The following GRM7 variants were observed in gnomAD, a reference collection of about 807,000 sequenced individuals.
GRM7 encodes the protein metabotropic glutamate receptor 7.
A neutral mutation model predicts 84.5 loss-of-function variants in GRM7; 35 were observed. That is an observed-to-expected ratio of 0.41 (90% CI 0.32 to 0.55). The LOEUF is 0.55. GRM7 is among the 20% of genes least tolerant of loss of function. The pLI is 0.19. For missense variants in GRM7, 1,003 were observed against 1,194.6 expected (o/e 0.84, Z 2.36); for synonymous variants, 487 against 455.1 (o/e 1.07, Z -0.89).
chr3:7,637,757 G>C (rs548276759), intron 8 of GRM7, among the ~76,000 whole-genome samples: 18 of 152,324 alleles, frequency 1.2e-4, no homozygotes, highest in African/African-American at 3.6e-4. Context: ...ATGTGAACTT[G>C]ATGCAAGAAT....
intron 1 of GRM7, among the ~76,000 whole-genome samples, chr3:6,969,581 G>T (rs891504702): frequency 6.6e-6 from 1 of 152,176 alleles, no homozygotes; most frequent in African/African-American, 2.4e-5. Context: ...TGTGTTTCGT[G>T]ACCTAGCACA....
intron 1 of GRM7, among the ~76,000 whole-genome samples, chr3:6,980,720 A>C (rs2124831184): frequency 6.6e-6 from 1 of 152,342 alleles, no homozygotes; most frequent in Admixed American, 6.5e-5. Flanking sequence ...AGTTCTTACT[A>C]GAGTGAAATT....
intron 1 of GRM7, among the ~76,000 whole-genome samples, chr3:6,988,853 G>C (rs1361678157): frequency 6.6e-6 from 1 of 152,140 alleles, no homozygotes; most frequent in East Asian, 1.9e-4. Flanking sequence ...ACCAAAGGTA[G>C]GGTTATTTGT....
At chr3:7,646,484 G>T (rs1403651125) in intron 8 of GRM7, among the ~76,000 whole-genome samples, 1 of 152,090 alleles carries the variant, frequency 6.6e-6, no homozygotes, top group Admixed American at 6.5e-5. Flanking sequence ...GAGCCGCCAT[G>T]CCCCGCTGAC....
chr3:7,656,630 G>A (rs1699213470), intron 8 of GRM7, among the ~76,000 whole-genome samples: 1 of 151,542 alleles, frequency 6.6e-6, no homozygotes, highest in Non-Finnish European at 1.5e-5. Context: ...TGTCCCCAGG[G>A]GTAGGGAGGT....
chr3:7,566,493 T>C (rs1694276633), intron 7 of GRM7, among the ~76,000 whole-genome samples: 1 of 152,344 alleles, frequency 6.6e-6, no homozygotes, highest in African/African-American at 2.4e-5. Context: ...ATTTGATAAT[T>C]GGAATAAAAA....
intron 1 of GRM7, among the ~76,000 whole-genome samples, chr3:7,113,769 G>A (rs1218750761): frequency 6.6e-6 from 1 of 152,094 alleles, no homozygotes; most frequent in African/African-American, 2.4e-5. Context: ...CCCAACTCAT[G>A]AGCCATCACC....
At chr3:7,564,397 C>T (rs557051266) in intron 7 of GRM7, among the ~76,000 whole-genome samples, 10 of 152,192 alleles carry the variant, frequency 6.6e-5, no homozygotes, top group African/African-American at 1.4e-4. Flanking sequence ...GATTTGAACC[C>T]GTGATCATCT....
At chr3:7,199,783 T>C (rs1321268384) in intron 2 of GRM7, among the ~76,000 whole-genome samples, 1 of 152,172 alleles carries the variant, frequency 6.6e-6, no homozygotes, top group African/African-American at 2.4e-5. Context: ...TGGTACCCAA[T>C]AATTTTTCTC....
At chr3:7,536,868 C>A (rs1284838877) in intron 7 of GRM7, among the ~76,000 whole-genome samples, 2 of 152,176 alleles carry the variant, frequency 1.3e-5, no homozygotes. Context: ...CCAGATTTCT[C>A]ACCCTCATAA....
chr3:7,670,556 G>A (rs749167659), intron 8 of GRM7, among the ~76,000 whole-genome samples: 2 of 152,140 alleles, frequency 1.3e-5, no homozygotes, highest in Non-Finnish European at 2.9e-5. Flanking sequence ...AAATGCTTAG[G>A]ACATTTGCTT....
intron 1 of GRM7, among the ~76,000 whole-genome samples, chr3:6,898,396 C>T (rs1318743412): frequency 1.0e-4 from 5 of 48,164 alleles, no homozygotes; most frequent in Non-Finnish European, 1.5e-4. Flanking sequence ...AGCAATGGCA[C>T]AAAGACAAAA....
intron 7 of GRM7, among the ~76,000 whole-genome samples, chr3:7,496,812 T>C (rs1419642448): frequency 1.3e-5 from 2 of 151,890 alleles, no homozygotes; most frequent in Admixed American, 6.6e-5. Context: ...TATGTGTGTG[T>C]GATTATACCC....
intron 1 of GRM7, among the ~76,000 whole-genome samples, chr3:7,125,373 A>C (rs769726064): frequency 7.2e-5 from 11 of 152,244 alleles, no homozygotes; most frequent in Non-Finnish European, 1.3e-4. Flanking sequence ...AACAAAACTT[A>C]GAACATTTTC....
intron 2 of GRM7, among the ~76,000 whole-genome samples, chr3:7,242,180 A>G (rs1232490010): frequency 6.6e-6 from 1 of 152,192 alleles, no homozygotes; most frequent in Non-Finnish European, 1.5e-5. Context: ...AACTTAAATA[A>G]TGATCCTGTG....
chr3:6,862,053 G>T lies in GRM7; in HGVS notation c.519+146G>T, dbSNP rs1173607055. 9 of 648,338 alleles carry T rather than the reference G, an allele frequency of 1.4e-5. No homozygotes were observed. The highest frequency in any genetic ancestry group is 8.8e-5 in the Admixed American group (3 of 34,008). 40.2% of individuals were successfully genotyped at this position (648,338 alleles called of 1,614,324 possible). A position where few individuals can be genotyped will look rare whatever the true frequency, so the allele number is the denominator to read the frequency against. On this transcript the variant is annotated intron_variant, in intron 1 of 9. Transcript: ENST00000357716. The surrounding 1 kb of genome is among the most constrained non-coding windows in gnomAD (Gnocchi z 5.2). ...GATCCTGCCGAATCCCTCCCACCCC[G>T]CTCGAGGAGATACCTTCCCTGCTTG...
intron 2 of GRM7, among the ~76,000 whole-genome samples, chr3:7,230,765 T>C (rs1189655765): frequency 1.3e-5 from 2 of 152,144 alleles, no homozygotes; most frequent in Non-Finnish European, 2.9e-5. Context: ...GTTAGGACAT[T>C]TTTGCAAACA....
At chr3:7,120,577 T>C (rs886722662) in intron 1 of GRM7, among the ~76,000 whole-genome samples, 2 of 152,164 alleles carry the variant, frequency 1.3e-5, no homozygotes, top group African/African-American at 4.8e-5. Context: ...TATACAAGAT[T>C]ATACCCAAAT....
chr3:7,383,550 A>G (rs1694670898), intron 4 of GRM7, among the ~76,000 whole-genome samples: 1 of 152,248 alleles, frequency 6.6e-6, no homozygotes, highest in African/African-American at 2.4e-5. Context: ...ATTACAGAGT[A>G]ATATTTACCT....
Sources: gnomAD v4.1 joint callset for allele counts (sites outside exome capture counted in the v4.1 genomes callset) on GRCh38, gnomAD v4.1.1 for gene constraint, Gnocchi (gnomAD v3.1) non-coding constraint, MANE v1.5 for transcripts, NCBI Gene and HGNC (gene_info 2026-07-23, HGNC 2026-07-21) for gene names.